MDM2: variants seen among roughly 807,000 people sequenced by gnomAD.
MDM2 encodes the protein E3 ubiquitin-protein ligase Mdm2.
A neutral mutation model predicts 64.3 loss-of-function variants in MDM2; 11 were observed. That is an observed-to-expected ratio of 0.17 (90% CI 0.11 to 0.28). The LOEUF (loss-of-function observed/expected upper bound fraction) is 0.28. Ranked by LOEUF, MDM2 falls within the 10% of genes least tolerant of loss-of-function variation. The probability of loss-of-function intolerance (pLI) is 1.00; values close to 1 mark genes in which losing one functional copy is unlikely to be tolerated. For synonymous variants in MDM2, 194 were observed against 192.9 expected (o/e 1.01, Z -0.05); for missense variants, 388 against 577.1 (o/e 0.67, Z 3.36).
In MDM2 at chr12:68,841,534, G is replaced by C. The variant is rs1179277275; in HGVS notation, c.*1685G>C. The C allele has an allele frequency of 9.5e-6, 2 of 209,512 alleles. No homozygotes were observed. The highest frequency in any genetic ancestry group is 4.5e-5 in the African/African-American group (2 of 44,042). The allele number at this position is 209,512 out of a possible 1,614,324, so 13.0% of individuals were successfully genotyped here. Reference sequence around the variant, plus strand: ...GTTAAAGCCTCCTGAGTCTAACCTAGATTACATCAGGCCCTTTTTCACACA... The same window carrying C: ...GTTAAAGCCTCCTGAGTCTAACCTACATTACATCAGGCCCTTTTTCACACA... On this transcript the variant is annotated 3_prime_UTR_variant, in exon 11 of 11. Transcript: ENST00000258149.
intron 5 of MDM2, among the ~76,000 whole-genome samples, chr12:68,821,135 C>T (rs778106898): frequency 6.6e-6 from 1 of 150,514 alleles, no homozygotes; most frequent in Non-Finnish European, 1.5e-5. Flanking sequence ...GCAACCTCCG[C>T]CTCCCAGGTT....
At chr12:68,820,506 G>A in intron 5 of MDM2, 132 bp downstream of exon 5, 1 of 704,416 alleles carries the variant, frequency 1.4e-6, no homozygotes, top group Non-Finnish European at 2.4e-6. Context: ...ATAAAAGTAT[G>A]ATAAATTTAT....
intron 3 of MDM2, among the ~76,000 whole-genome samples, chr12:68,814,890 GTTTC>G (rs1243252477): frequency 4.6e-5 from 7 of 152,188 alleles, no homozygotes; most frequent in African/African-American, 9.6e-5. Context: ...AAACATTTAA[GTTTC>G]TTTCTTACAA....
chr12:68,816,496 C>T (rs1881394763), intron 3 of MDM2, among the ~76,000 whole-genome samples: 1 of 150,944 alleles, frequency 6.6e-6, no homozygotes, highest in Non-Finnish European at 1.5e-5. Flanking sequence ...CCTCAGCCTC[C>T]CTAATAGCTG....
intron 2 of MDM2, among the ~76,000 whole-genome samples, chr12:68,810,455 A>AATT (rs1053857790): frequency 1.3e-4 from 20 of 151,952 alleles, no homozygotes; most frequent in Non-Finnish European, 2.6e-4. Flanking sequence ...ACCAATCTTT[A>AATT]ATTATTATTA....
rs763854650 is a variant in MDM2 at position 68,836,662 on chromosome 12, G to A, written c.841-10G>A. 6.3e-7 allele frequency: 1 copy of A among 1,585,386 alleles called. No homozygotes were observed. The highest frequency in any genetic ancestry group is 8.7e-7 in the Non-Finnish European group (1 of 1,154,428). On this transcript the variant is annotated splice_polypyrimidine_tract_variant and intron_variant, in intron 9 of 10. Coordinates refer to ENST00000258149, the MANE Select transcript of MDM2 (RefSeq NM_002392.6). ...GCGATGAATTGATGCTAATGAATGT[G>A]TTTTATTAGGTATATCAAGTTACTG... is the stretch of plus-strand genomic sequence containing the variant.
intron 8 of MDM2, among the ~76,000 whole-genome samples, chr12:68,835,111 A>G (rs890786712): frequency 6.6e-5 from 10 of 152,322 alleles, no homozygotes; most frequent in African/African-American, 2.4e-4. Context: ...CGTGTATTCT[A>G]CCAATTTGGA....
At chr12:68,836,201 A>G (rs1167614187) in intron 9 of MDM2, among the ~76,000 whole-genome samples, 2 of 152,172 alleles carry the variant, frequency 1.3e-5, no homozygotes, top group Non-Finnish European at 2.9e-5. Flanking sequence ...CAAGAAGTCA[A>G]TAGACCTCAA....
At chr12:68,833,447 A>G (rs1883064834) in intron 8 of MDM2, among the ~76,000 whole-genome samples, 1 of 143,320 alleles carries the variant, frequency 7.0e-6, no homozygotes, top group African/African-American at 2.5e-5. Context: ...TTTTAAAAAT[A>G]TATATAGAGA....
chr12:68,820,417 T>TC, intron 5 of MDM2, 43 bp downstream of exon 5: 2 of 1,475,904 alleles, frequency 1.4e-6, no homozygotes, highest in Non-Finnish European at 1.9e-6. Context: ...CATAAAAACG[T>TC]TTTAAAGACA....
At chr12:68,817,633 C>T (rs995030748) in intron 4 of MDM2, among the ~76,000 whole-genome samples, 43 of 151,890 alleles carry the variant, frequency 2.8e-4, no homozygotes, top group African/African-American at 8.9e-4. Flanking sequence ...CCTGTAATTC[C>T]AGCTACTCGG....
chr12:68,827,085 G>A (rs1297648998), intron 7 of MDM2, among the ~76,000 whole-genome samples: 1 of 152,174 alleles, frequency 6.6e-6, no homozygotes, highest in Non-Finnish European at 1.5e-5. Flanking sequence ...GGCTGAGGCA[G>A]GAGAATTGCT....
chr12:68,809,742 T>C (rs1455497821), intron 2 of MDM2, among the ~76,000 whole-genome samples: 3 of 152,240 alleles, frequency 2.0e-5, no homozygotes, highest in African/African-American at 7.2e-5. Context: ...TACCCACATA[T>C]ATTTACATTT....
rs546846385 is a variant in MDM2 at position 68,840,516 on chromosome 12, T to C, written c.*667T>C. 4.0e-4 allele frequency: 77 copies of C among 192,452 alleles called. No individual in the cohort carries two copies. The Middle Eastern group carries it at 6.9e-3, about 17-fold the overall frequency. 11.9% of individuals were successfully genotyped at this position (192,452 alleles called of 1,614,324 possible). On this transcript the variant is annotated 3_prime_UTR_variant, in exon 11 of 11. Transcript: ENST00000258149. ...TTTAGTTTTTTGTTTTTTTGTTTGT[T>C]TGTTTGTTTGTTTGTTTTGAGATGA...
At chr12:68,820,499 A>T in intron 5 of MDM2, 125 bp downstream of exon 5, 4 of 718,844 alleles carry the variant, frequency 5.6e-6, no homozygotes, top group Middle Eastern at 3.9e-4. Flanking sequence ...TATTGTAATA[A>T]AAGTATGATA....
chr12:68,817,485 C>A (rs191808407), intron 4 of MDM2, among the ~76,000 whole-genome samples: 2 of 152,274 alleles, frequency 1.3e-5, no homozygotes, highest in African/African-American at 2.4e-5. Flanking sequence ...TGCGGTGGCT[C>A]ACACCTGTAA....
intron 8 of MDM2, among the ~76,000 whole-genome samples, chr12:68,830,010 G>T (rs1297536252): frequency 1.3e-5 from 2 of 152,074 alleles, no homozygotes; most frequent in Non-Finnish European, 2.9e-5. Context: ...TGCCAGGATG[G>T]CTTTGAATGT....
At chr12:68,820,270 A>C in intron 4 of MDM2, 55 bp from the exon 5 acceptor site, 1 of 1,364,114 alleles carries the variant, frequency 7.3e-7, no homozygotes, top group Non-Finnish European at 1.0e-6. Flanking sequence ...GCTTAATACA[A>C]ATTTTTATTC....
At chr12:68,822,932 G>C (rs1881989803) in intron 5 of MDM2, among the ~76,000 whole-genome samples, 1 of 151,952 alleles carries the variant, frequency 6.6e-6, no homozygotes, top group Admixed American at 6.6e-5. Flanking sequence ...GTAGAGAAAG[G>C]GTTTCACCAT....
Sources: gnomAD v4.1 joint callset for allele counts (sites outside exome capture counted in the v4.1 genomes callset) on GRCh38, gnomAD v4.1.1 for gene constraint, MANE v1.5 for transcripts, NCBI Gene and HGNC (gene_info 2026-07-23, HGNC 2026-07-21) for gene names.